PLBD2: variants seen among roughly 807,000 people sequenced by gnomAD.
The protein encoded by PLBD2 is putative aminopeptidase PLBD2.
PLBD2 carries 51 observed loss-of-function variants against 68.3 expected under a neutral mutation model. That is an observed-to-expected ratio of 0.75 (90% CI 0.60 to 0.94). The LOEUF is 0.94. PLBD2 is among the 40% of genes least tolerant of loss of function. The pLI, the probability that PLBD2 is intolerant of heterozygous loss-of-function variation, is 0.00. For missense variants in PLBD2, 729 were observed against 792.2 expected (o/e 0.92, Z 0.96); for synonymous variants, 314 against 339.3 (o/e 0.93, Z 0.82).
At chr12:113,380,965 T>A in intron 6 of PLBD2, 123 bp downstream of exon 6, 1 of 923,322 alleles carries the variant, frequency 1.1e-6, no homozygotes, top group Non-Finnish European at 1.7e-6. Context: ...GGGTGCCATG[T>A]AGGAGCCAGG....
Position 113,369,100 on chromosome 12 carries a change from C to T in PLBD2, c.291-16C>T. The T allele has an allele frequency of 6.4e-7, 1 of 1,570,042 alleles. No individual in the cohort carries two copies. The highest frequency in any genetic ancestry group is 8.7e-7 in the Non-Finnish European group (1 of 1,155,312). ...GGCCTCTGCTGCTGACTGAGTGTCCCCTCCTTCCCCTCCAGGTGGGCCTTC... is the reference window on the plus strand; with the variant it reads ...GGCCTCTGCTGCTGACTGAGTGTCCTCTCCTTCCCCTCCAGGTGGGCCTTC... On this transcript the variant is annotated splice_polypyrimidine_tract_variant and intron_variant, in intron 1 of 11. Coordinates refer to ENST00000280800, the MANE Select transcript of PLBD2 (RefSeq NM_173542.4).
intron 1 of PLBD2, among the ~76,000 whole-genome samples, chr12:113,367,918 C>A (rs1436227854): frequency 6.6e-6 from 1 of 151,880 alleles, no homozygotes; most frequent in Non-Finnish European, 1.5e-5. Flanking sequence ...CCTGTCTCTA[C>A]TAAAAATACA....
At position 113,391,014 on chromosome 12, in the gene PLBD2, A is replaced by G. The variant is rs535946168; in HGVS notation, c.*2388A>G. ...TTTATCTATTTTCTATCCATCAGCC[A>G]TCCATTCATTCATATCCATCCATCC... On this transcript the variant is annotated 3_prime_UTR_variant, in exon 12 of 12. Coordinates refer to ENST00000280800, the MANE Select transcript of PLBD2 (RefSeq NM_173542.4). The G allele has an allele frequency of 1.3e-5, 2 of 152,224 alleles. No homozygotes were observed. The highest frequency in any genetic ancestry group is 1.9e-4 in the East Asian group (1 of 5,176). The allele number at this position is 152,224 out of a possible 1,614,324, so 9.4% of individuals were successfully genotyped here.
At chr12:113,374,601 G>C in intron 4 of PLBD2, 27 bp downstream of exon 4, 2 of 1,561,244 alleles carry the variant, frequency 1.3e-6, no homozygotes, top group Non-Finnish European at 1.7e-6. Flanking sequence ...GAGTGAACAG[G>C]GTGGGAAGAA....
chr12:113,384,049 G>GC lies in PLBD2; in HGVS notation c.958-54dup. The GC allele has an allele frequency of 1.5e-6, 2 of 1,370,068 alleles. No individual in the cohort carries two copies. The highest frequency in any genetic ancestry group is 1.9e-6 in the Non-Finnish European group (2 of 1,029,124). 84.9% of individuals were successfully genotyped at this position (1,370,068 alleles called of 1,614,324 possible). ...TTGGAGCCATGACTGATGAAGTACTGCCACTTGGTGGCAGCATGCCTAGGC... is the reference window on the plus strand; with the variant it reads ...TTGGAGCCATGACTGATGAAGTACTGCCCACTTGGTGGCAGCATGCCTAGGC... On this transcript the variant is annotated intron_variant, in intron 6 of 11. Coordinates refer to ENST00000280800, the MANE Select transcript of PLBD2 (RefSeq NM_173542.4). The surrounding 1 kb of genome is among the most constrained non-coding windows in gnomAD (Gnocchi z 4.2).
In PLBD2 at chr12:113,372,705, T is replaced by C. The variant is rs1248042939; in HGVS notation, c.441T>C (p.Tyr147=). Residue 147 remains tyrosine, a synonymous_variant, in exon 3 of 12, where the codon TAT becomes TAC. Transcript: ENST00000280800. This position sits in a 1 kb window ranked among gnomAD's most constrained non-coding sequence, Gnocchi z 4.2. ...TVVNYCGPFE[Y]EVGYCERLKS... The stretch of plus-strand genomic sequence containing the variant: ...TGAATTACTGCGGCCCCTTCGAGTA[T>C]GAAGTCGGCTACTGCGAGAGGCTGA... The C allele has an allele frequency of 1.2e-6, 2 of 1,613,968 alleles. No homozygotes were observed. The highest frequency in any genetic ancestry group is 2.2e-5 in the East Asian group (1 of 44,886).
In PLBD2 at chr12:113,358,801, CGTCT is replaced by C; in HGVS notation, c.202_205del (p.Val68ArgfsTer67). ...CCCGCAGCCGCTCGGTGCTCCTGGA[CGTCT>C]CGGCGGGCCAGCTGCTTATGGTGGA... On this transcript the variant is annotated frameshift_variant, in exon 1 of 12. Transcript: ENST00000280800. LOFTEE classifies it high-confidence loss of function. 6.7e-7 allele frequency: 1 copy of C among 1,491,094 alleles called. No individual in the cohort carries two copies. The highest frequency in any genetic ancestry group is 1.5e-5 in the African/African-American group (1 of 68,002). 92.4% of individuals were successfully genotyped at this position (1,491,094 alleles called of 1,614,324 possible). A position where few individuals can be genotyped will look rare whatever the true frequency, so the allele number is the denominator to read the frequency against.
chr12:113,385,985 A>G (rs572432214), intron 9 of PLBD2, among the ~76,000 whole-genome samples: 2 of 152,266 alleles, frequency 1.3e-5, no homozygotes, highest in Admixed American at 1.3e-4. Flanking sequence ...TCCTGACCTC[A>G]AGTGATCCGC....
In PLBD2 at chr12:113,388,620, G is replaced by A. The variant is rs760423299; in HGVS notation, c.1764G>A (p.Trp588Ter). Reference protein sequence around the residue: ...LWKFAPVKVSWD With the variant: ...LWKFAPVKVS ...AGTTCGCGCCTGTCAAGGTTTCATG[G>A]GACTGAAGTTCTGTCCCTGCTCTGC... is the stretch of plus-strand genomic sequence containing the variant. Residue 588 changes from tryptophan (W) to a stop codon, truncating the protein, a stop_gained, in exon 12 of 12, where the codon TGG becomes TGA. Transcript: ENST00000280800. LOFTEE classifies it high-confidence loss of function. The A allele has an allele frequency of 4.4e-6, 7 of 1,583,828 alleles. No homozygotes were observed. Among genetic ancestry groups the A allele is most frequent in the African/African-American group, 1.4e-5 (1 of 73,836 alleles).
chr12:113,363,951 G>A (rs908876586), intron 1 of PLBD2, among the ~76,000 whole-genome samples: 4 of 152,178 alleles, frequency 2.6e-5, no homozygotes, highest in African/African-American at 7.2e-5. Flanking sequence ...GGCTTAGTTC[G>A]TGCCTACCAT....
chr12:113,387,060 A>C lies in PLBD2; in HGVS notation c.1410A>C (p.Gln470His), dbSNP rs1957560235. Residue 470 changes from glutamine to histidine, a missense_variant, in exon 10 of 12, where the codon CAA becomes CAC. Coordinates refer to ENST00000280800, the MANE Select transcript of PLBD2 (RefSeq NM_173542.4). ...QIFRRNQSLV[Q>H]DMDSMVRLMR... ...TCCGGCGGAACCAGTCACTGGTACA[A>C]GACATGGACTCCATGGTCAGGCTGA... The C allele has an allele frequency of 4.4e-6, 7 of 1,605,488 alleles. No homozygotes were observed. The highest frequency in any genetic ancestry group is 6.0e-6 in the Non-Finnish European group (7 of 1,176,312).
At position 113,388,533 on chromosome 12, in the gene PLBD2, G is replaced by A. The variant is rs200472635; in HGVS notation, c.1677G>A (p.Pro559=). 441 of 1,611,226 alleles carry A rather than the reference G, an allele frequency of 2.7e-4. 3 individuals carry two copies. The East Asian group carries it at 9.3e-3, about 34-fold the overall frequency. The change falls in exon 12 of 12, where the codon CCG becomes CCA. Residue 559 remains proline, a synonymous_variant. Coordinates refer to ENST00000280800, the MANE Select transcript of PLBD2 (RefSeq NM_173542.4). ...ASGPTWDQVP[P]FQWSTSPFSG... ...GTCCCACGTGGGACCAGGTGCCCCC[G>A]TTCCAGTGGAGCACCTCGCCCTTCA... is the stretch of plus-strand genomic sequence containing the variant.
chr12:113,374,765 A>T (rs1480796224), intron 4 of PLBD2, 28 bp from the exon 5 acceptor site: 1 of 1,611,744 alleles, frequency 6.2e-7, no homozygotes, highest in African/African-American at 1.3e-5. Flanking sequence ...CAGGCGTGGT[A>T]ACCCTCTGAT....
At chr12:113,382,835 T>TTTTTTTGTGTGTGTGTGTG (rs1335785271) in intron 6 of PLBD2, among the ~76,000 whole-genome samples, 2 of 106,536 alleles carry the variant, frequency 1.9e-5, no homozygotes, top group African/African-American at 7.7e-5. Flanking sequence ...TGGTGGTTTT[T>TTTTTTTGTGTGTGTGTGTG]TGTGTGTGTG....
rs1957429329 is a variant in PLBD2 at position 113,375,178 on chromosome 12, C to G, written c.859+171C>G. On this transcript the variant is annotated intron_variant, in intron 5 of 11. Transcript: ENST00000280800. ...TTTTTCTTTTTGAGTTGGGGTCTTG[C>G]TCTGTTGCCCAGGCTGGAGTACAGT... 2.2e-5 allele frequency: 14 copies of G among 644,848 alleles called. No individual in the cohort carries two copies. The East Asian group carries it at 3.9e-4, about 18-fold the overall frequency. The allele number at this position is 644,848 out of a possible 1,614,324, so 39.9% of individuals were successfully genotyped here.
chr12:113,383,961 T>G (rs1264776361), intron 6 of PLBD2, 144 bp from the exon 7 acceptor site: 1 of 661,028 alleles, frequency 1.5e-6, no homozygotes, highest in Non-Finnish European at 2.2e-6. Context: ...GTTACACCAC[T>G]GCACTCCAGC....
chr12:113,376,571 A>G (rs1013558144), intron 5 of PLBD2, among the ~76,000 whole-genome samples: 1 of 152,210 alleles, frequency 6.6e-6, no homozygotes, highest in African/African-American at 2.4e-5. Context: ...CACATCACAT[A>G]TGGCTTGGAT....
chr12:113,388,653 G>A lies in PLBD2; in HGVS notation c.*27G>A, dbSNP rs759931552. The A allele has an allele frequency of 9.1e-6, 14 of 1,537,788 alleles. No individual in the cohort carries two copies. Among genetic ancestry groups the A allele is most frequent in the Admixed American group, 2.1e-5 (1 of 48,122 alleles). On this transcript the variant is annotated 3_prime_UTR_variant, in exon 12 of 12. Coordinates refer to ENST00000280800, the MANE Select transcript of PLBD2 (RefSeq NM_173542.4). Reference sequence around the variant, plus strand: ...GTTCTGTCCCTGCTCTGCTGCTTTCGCCCCTGCTGACCCTCGTCAGGGTCA... The same window carrying A: ...GTTCTGTCCCTGCTCTGCTGCTTTCACCCCTGCTGACCCTCGTCAGGGTCA...
chr12:113,372,696 C>T lies in PLBD2; in HGVS notation c.432C>T (p.Pro144=). 6.2e-7 allele frequency: 1 copy of T among 1,614,142 alleles called. No individual in the cohort carries two copies. ...WMNTVVNYCG[P]FEYEVGYCER... The stretch of plus-strand genomic sequence containing the variant: ...ACACGGTGGTGAATTACTGCGGCCC[C>T]TTCGAGTATGAAGTCGGCTACTGCG... Residue 144 remains proline (P), a synonymous_variant, in exon 3 of 12, where the codon CCC becomes CCT. Transcript: ENST00000280800. This position sits in a 1 kb window ranked among gnomAD's most constrained non-coding sequence, Gnocchi z 4.2.
Sources: gnomAD v4.1 joint callset for allele counts (sites outside exome capture counted in the v4.1 genomes callset) on GRCh38, gnomAD v4.1.1 for gene constraint, Gnocchi (gnomAD v3.1) non-coding constraint, MANE v1.5 for transcripts, NCBI Gene and HGNC (gene_info 2026-07-23, HGNC 2026-07-21) for gene names.